The following DYNC2H1 variants were observed in gnomAD, a reference collection of about 807,000 sequenced individuals.
DYNC2H1 encodes dynein cytoplasmic 2 heavy chain 1.
DYNC2H1 carries 410 observed loss-of-function variants against 570.0 expected under a neutral mutation model. That is an observed-to-expected ratio of 0.72 (90% CI 0.66 to 0.78). DYNC2H1 has a LOEUF of 0.78. DYNC2H1 is among the 30% of genes least tolerant of loss of function. DYNC2H1 has a pLI of 0.00. For synonymous variants in DYNC2H1, 1,688 were observed against 1,677.6 expected (o/e 1.01, Z -0.15); for missense variants, 4,865 against 5,046.4 (o/e 0.96, Z 1.09).
In DYNC2H1 at chr11:103,465,959, A is replaced by C. The variant is rs1945182302; in HGVS notation, c.12649-2630A>C. 6.6e-6 allele frequency among the ~76,000 whole-genome samples: 1 copy of C among 152,238 alleles called. No individual in the cohort carries two copies. On this transcript the variant is annotated intron_variant, in intron 87 of 88. Transcript: ENST00000375735. The surrounding 1 kb of genome is among the most constrained non-coding windows in gnomAD (Gnocchi z 4.9). ...CCTGAAGGAAGCAGCAGCCAAGCTT[A>C]CTTGGCAAAGGGGTGCATATTAGGA...
chr11:103,328,551 T>C (rs1035416139), intron 82 of DYNC2H1, among the ~76,000 whole-genome samples: 3 of 152,218 alleles, frequency 2.0e-5, no homozygotes, highest in African/African-American at 7.2e-5. Context: ...TAAGAACTGA[T>C]ATTGCATCAG....
At position 103,215,746 on chromosome 11, in the gene DYNC2H1, C is replaced by T; in HGVS notation, c.8720C>T (p.Ala2907Val). The T allele has an allele frequency of 6.2e-7, 1 of 1,609,952 alleles. No individual in the cohort carries two copies. The highest frequency in any genetic ancestry group is 8.5e-7 in the Non-Finnish European group (1 of 1,177,930). The change falls in exon 55 of 89, where the codon GCT becomes GTT. Residue 2907 changes from alanine to valine, a missense_variant. Transcript: ENST00000375735. ...GCTGGTGTATCTAAACTAAATGAAG[C>T]TAAAGCTCTTGTGGATGAACTGAAC... The part of the protein sequence containing the change: ...LQAGVSKLNE[A>V]KALVDELNRK...
chr11:103,136,935 G>A (rs1859590993), intron 17 of DYNC2H1, among the ~76,000 whole-genome samples: 2 of 151,394 alleles, frequency 1.3e-5, no homozygotes, highest in African/African-American at 2.4e-5. Flanking sequence ...GTGTGAGATG[G>A]TATCTCATTG....
intron 83 of DYNC2H1, among the ~76,000 whole-genome samples, chr11:103,380,767 A>G (rs1941610523): frequency 6.6e-6 from 1 of 151,938 alleles, no homozygotes; most frequent in Non-Finnish European, 1.5e-5. Context: ...TCGCCTTGTT[A>G]CTCAGTCTGG....
At position 103,358,322 on chromosome 11, in the gene DYNC2H1, T is replaced by C; in HGVS notation, c.12119T>C (p.Leu4040Pro). 1 of 1,586,036 alleles carries C rather than the reference T, an allele frequency of 6.3e-7. No homozygotes were observed. The highest frequency in any genetic ancestry group is 8.6e-7 in the Non-Finnish European group (1 of 1,164,532). The change falls in exon 83 of 89, where the codon CTT (leucine) becomes CCT (proline). Residue 4040 changes from leucine (L) to proline (P), a missense_variant. This residue lies in a region of DYNC2H1 where 2,401 missense variants were observed against 2,454.6 expected (regional missense o/e 0.98). Coordinates refer to ENST00000375735, the MANE Select transcript of DYNC2H1 (RefSeq NM_001377.3). ...GATAGAGAAATCTGGTCTAATGAAC[T>C]TTCTCCTGTCCTCAATCTCTGGAAG... is the stretch of plus-strand genomic sequence containing the variant. ...KFDREIWSNE[L>P]SPVLNLWKKL...
rs545928267 is a variant in DYNC2H1 at position 103,416,317 on chromosome 11, AAAAAG to A, written c.12366+16450_12366+16454del. 5.6e-3 allele frequency among the ~76,000 whole-genome samples: 854 copies of A among 152,242 alleles called. 9 individuals carry two copies. Among genetic ancestry groups the A allele is most frequent in the Middle Eastern group, 0.01 (3 of 294 alleles). ...ACTATAATAATAATAATTAATAATAAAAAAGAAAAAACTACTTTTAAGTTTCATAT... is the reference window on the plus strand; with the variant it reads ...ACTATAATAATAATAATTAATAATAAAAAAAACTACTTTTAAGTTTCATAT... On this transcript the variant is annotated intron_variant, in intron 84 of 88. Coordinates refer to ENST00000375735, the MANE Select transcript of DYNC2H1 (RefSeq NM_001377.3).
intron 70 of DYNC2H1, among the ~76,000 whole-genome samples, chr11:103,274,911 A>G (rs1207923872): frequency 1.3e-5 from 2 of 151,998 alleles, no homozygotes; most frequent in East Asian, 3.9e-4. Flanking sequence ...CCTGGTCAAC[A>G]TGGCGAAACC....
chr11:103,223,945 A>C (rs548045193), intron 59 of DYNC2H1, among the ~76,000 whole-genome samples: 13 of 151,328 alleles, frequency 8.6e-5, no homozygotes, highest in Non-Finnish European at 1.8e-4. Flanking sequence ...AAGGGGTTTC[A>C]CCATGTTGGC....
chr11:103,274,792 G>T (rs1387823871), intron 70 of DYNC2H1, among the ~76,000 whole-genome samples: 5 of 152,022 alleles, frequency 3.3e-5, no homozygotes, highest in Non-Finnish European at 5.9e-5. Flanking sequence ...TGTTTTGAGG[G>T]ATTTAAAATT....
intron 78 of DYNC2H1, among the ~76,000 whole-genome samples, chr11:103,311,551 A>G (rs1867587334): frequency 6.6e-6 from 1 of 152,034 alleles, no homozygotes; most frequent in African/African-American, 2.4e-5. Context: ...AATCAATATC[A>G]CATTAGTATT....
intron 55 of DYNC2H1, among the ~76,000 whole-genome samples, chr11:103,216,328 C>T (rs72971529): frequency 2.0e-5 from 3 of 152,022 alleles, no homozygotes; most frequent in Non-Finnish European, 4.4e-5. Flanking sequence ...TTTGTTGAAC[C>T]CTTTCAAGGG....
At chr11:103,190,589 C>T (rs369697413) in intron 45 of DYNC2H1, among the ~76,000 whole-genome samples, 3 of 151,972 alleles carry the variant, frequency 2.0e-5, no homozygotes, top group Admixed American at 6.6e-5. Context: ...AAGGGAATAG[C>T]GTGTACAAGT....
rs199865690 is a variant in DYNC2H1 at position 103,159,320 on chromosome 11, T to TAAC, written c.4378+294_4378+295insACA. On this transcript the variant is annotated intron_variant, in intron 28 of 88. Coordinates refer to ENST00000375735, the MANE Select transcript of DYNC2H1 (RefSeq NM_001377.3). ...ATGAAGTAAGTGACATCTAGGGCGA[T>TAAC]ATCTGAAGAATGTATAGGCCTTAGT... Among the ~76,000 whole-genome samples the TAAC allele has an allele frequency of 4.8e-3, 737 of 152,292 alleles. 12 individuals carry two copies. The East Asian group carries it at 0.063, about 13-fold the overall frequency.
chr11:103,222,534 A>AT (rs1207591733), intron 58 of DYNC2H1, among the ~76,000 whole-genome samples: 4 of 152,018 alleles, frequency 2.6e-5, no homozygotes, highest in Non-Finnish European at 4.4e-5. Flanking sequence ...TGATTCTGGT[A>AT]TTTTTTTAGA....
chr11:103,227,076 CTTCTT>C (rs1487727443), intron 59 of DYNC2H1, among the ~76,000 whole-genome samples: 3 of 152,078 alleles, frequency 2.0e-5, no homozygotes, highest in Non-Finnish European at 4.4e-5. Context: ...TATCTTCTCT[CTTCTT>C]TTCTTGGTTA....
chr11:103,160,815 T>C, intron 28 of DYNC2H1, 117 bp from the exon 29 acceptor site: 1 of 505,554 alleles, frequency 2.0e-6, no homozygotes, highest in Non-Finnish European at 3.4e-6. Flanking sequence ...TGGTATACAT[T>C]ATAATTTGAT....
At chr11:103,358,413 C>T (rs1176085120) in intron 83 of DYNC2H1, 54 bp downstream of exon 83, 2 of 1,199,282 alleles carry the variant, frequency 1.7e-6, no homozygotes, top group African/African-American at 3.0e-5. Context: ...GCATCGTAAC[C>T]ATGTGCTCCC....
intron 85 of DYNC2H1, 105 bp downstream of exon 85, chr11:103,436,137 C>G: frequency 1.2e-6 from 1 of 841,724 alleles, no homozygotes; most frequent in Non-Finnish European, 1.8e-6. Flanking sequence ...TATGATTTTG[C>G]ACATAAAACA....
chr11:103,182,829 T>G (rs1323283511), intron 40 of DYNC2H1, among the ~76,000 whole-genome samples: 2 of 151,968 alleles, frequency 1.3e-5, no homozygotes, highest in Non-Finnish European at 2.9e-5. Context: ...ACTTTAGGAT[T>G]GAACAAGATA....
Sources: gnomAD v4.1 joint callset for allele counts (sites outside exome capture counted in the v4.1 genomes callset) on GRCh38, gnomAD v4.1.1 for gene constraint, gnomAD v4.1.1 regional missense constraint, Gnocchi (gnomAD v3.1) non-coding constraint, MANE v1.5 for transcripts, NCBI Gene and HGNC (gene_info 2026-07-23, HGNC 2026-07-21) for gene names.